The following CAPN9 variants were observed in gnomAD, a reference collection of about 807,000 sequenced individuals.
The protein encoded by CAPN9 is calpain 9, also known as calpain-9.
Under a neutral mutation model 92.8 loss-of-function variants are expected in CAPN9, and 81 were observed. The observed-to-expected ratio is 0.87, with a 90% confidence interval of 0.73 to 1.05. The LOEUF is 1.05. Among genes scored for constraint, CAPN9 ranks in the 50% least tolerant of loss-of-function variants. The pLI is 0.00. For synonymous variants in CAPN9, 304 were observed against 328.0 expected (o/e 0.93, Z 0.79); for missense variants, 848 against 866.2 (o/e 0.98, Z 0.26).
chr1:230,765,386 C>T (rs1232798902), intron 4 of CAPN9, among the ~76,000 whole-genome samples: 1 of 152,144 alleles, frequency 6.6e-6, no homozygotes, highest in Non-Finnish European at 1.5e-5. Flanking sequence ...AAGCTGGGTG[C>T]AGTGACTCAC....
rs1279510071 is a variant in CAPN9, at chr1:230,800,223, GAAAGAAAGA to G, written c.2047-1345_2047-1337del. Among the ~76,000 whole-genome samples, 62 of 37,352 alleles carry G rather than the reference GAAAGAAAGA, an allele frequency of 1.7e-3. 2 individuals are homozygous for G. Among genetic ancestry groups the G allele is most frequent in the Non-Finnish European group, 3.1e-3 (54 of 17,308 alleles). The allele number at this position is 37,352 out of a possible 152,430, so 24.5% of individuals were successfully genotyped here. A position where few individuals can be genotyped will look rare whatever the true frequency, so the allele number is the denominator to read the frequency against. On this transcript the variant is annotated intron_variant, in intron 19 of 19. Coordinates refer to ENST00000271971, the MANE Select transcript of CAPN9 (RefSeq NM_006615.3). ...AAAGAAAGAAAAGAAAGAAAAATAAGAAAGAAAGAAGAAAGAAAGAAAGAAAGAAAGAAA... is the reference window on the plus strand; with the variant it reads ...AAAGAAAGAAAAGAAAGAAAAATAAGAGAAAGAAAGAAAGAAAGAAAGAAA...
chr1:230,752,764 C>T, intron 1 of CAPN9: 2 of 937,452 alleles, frequency 2.1e-6, no homozygotes, highest in Non-Finnish European at 2.5e-6. Context: ...AGGGCTATCC[C>T]CTGGCAGGGG....
intron 3 of CAPN9, among the ~76,000 whole-genome samples, chr1:230,762,003 T>C (rs560343739): frequency 1.1e-4 from 16 of 152,320 alleles, no homozygotes; most frequent in African/African-American, 3.8e-4. Flanking sequence ...AATGTATAAA[T>C]AAACCACAAA....
chr1:230,774,724 T>TTTCTTTCC, intron 8 of CAPN9, 93 bp downstream of exon 8: 1 of 699,054 alleles, frequency 1.4e-6, no homozygotes. Context: ...CGCTTTCCTT[T>TTTCTTTCC]TTCTTTCTTT....
chr1:230,782,565 C>T (rs1020971607), intron 11 of CAPN9, among the ~76,000 whole-genome samples: 1 of 152,158 alleles, frequency 6.6e-6, no homozygotes, highest in African/African-American at 2.4e-5. Flanking sequence ...TATTACAAGT[C>T]CCCCTAAATA....
chr1:230,801,575 C>G lies in CAPN9; in HGVS notation c.2052C>G (p.Ile684Met). 1 of 1,613,922 alleles carries G rather than the reference C, an allele frequency of 6.2e-7. No homozygotes were observed. Residue 684 changes from isoleucine to methionine, a missense_variant, in exon 20 of 20, where the codon ATC becomes ATG. Transcript: ENST00000271971. Reference protein sequence around the residue: ...EFIHLNINEFIHLTMNI With the variant: ...EFIHLNINEFMHLTMNI ...CTCTCTCTCTCTCTTCCCAGTTCAT[C>G]CATTTGACAATGAACATCTGAGGCT...
At chr1:230,761,968 A>G (rs909782985) in intron 3 of CAPN9, among the ~76,000 whole-genome samples, 1 of 152,248 alleles carries the variant, frequency 6.6e-6, no homozygotes, top group African/African-American at 2.4e-5. Flanking sequence ...CACACATGTG[A>G]GCAAACACAT....
chr1:230,763,089 C>T lies in CAPN9; in HGVS notation c.536+303C>T, dbSNP rs192681915. ...GGGAATTCTGGCTGTGCCGACAGCA[C>T]TTAGTGCTTCACACTTCCCTCGGAC... is the stretch of plus-strand genomic sequence containing the variant. On this transcript the variant is annotated intron_variant, in intron 4 of 19. Coordinates refer to ENST00000271971, the MANE Select transcript of CAPN9 (RefSeq NM_006615.3). Among the ~76,000 whole-genome samples, 781 of 152,304 alleles carry T rather than the reference C, an allele frequency of 5.1e-3. 7 individuals are homozygous for T. The highest frequency in any genetic ancestry group is 0.018 in the African/African-American group (748 of 41,560).
At chr1:230,783,425 G>A (rs1667364438) in intron 11 of CAPN9, among the ~76,000 whole-genome samples, 1 of 152,192 alleles carries the variant, frequency 6.6e-6, no homozygotes. Context: ...GGTCATGGGT[G>A]TGGATCCCTC....
chr1:230,763,453 G>C (rs1257123294), intron 4 of CAPN9, among the ~76,000 whole-genome samples: 1 of 152,042 alleles, frequency 6.6e-6, no homozygotes, highest in Non-Finnish European at 1.5e-5. Flanking sequence ...CTGTTTTTAT[G>C]ATTTATCTAG....
At chr1:230,761,195 G>T (rs945608042) in intron 3 of CAPN9, among the ~76,000 whole-genome samples, 8 of 151,994 alleles carry the variant, frequency 5.3e-5, no homozygotes, top group East Asian at 1.9e-4. Context: ...TACTCCGCCC[G>T]CTCCCCTCCT....
At chr1:230,799,449 A>G (rs1056258968) in intron 19 of CAPN9, among the ~76,000 whole-genome samples, 1 of 152,206 alleles carries the variant, frequency 6.6e-6, no homozygotes, top group Non-Finnish European at 1.5e-5. Context: ...AGATCCCTGG[A>G]CGCATTATTA....
intron 1 of CAPN9, among the ~76,000 whole-genome samples, chr1:230,754,221 C>T (rs549407391): frequency 3.7e-4 from 56 of 152,094 alleles, no homozygotes; most frequent in South Asian, 2.7e-3. Context: ...TCTTTGTTGT[C>T]GTCCAATGTC....
Position 230,801,497 on chromosome 1 carries a change from G to A in CAPN9, c.2047-73G>A, listed in dbSNP as rs1346674205. 6.2e-6 allele frequency: 9 copies of A among 1,456,802 alleles called. No homozygotes were observed. In the Admixed American group the frequency reaches 1.3e-4, roughly 22 times the overall value. The allele number at this position is 1,456,802 out of a possible 1,614,324, so 90.2% of individuals were successfully genotyped here. On this transcript the variant is annotated intron_variant, in intron 19 of 19. Transcript: ENST00000271971. ...TCTCCTGTGATATCAGCAAACTGGG[G>A]CCACTCCTGAGGCTGAGGCTGGAAG...
intron 12 of CAPN9, 170 bp downstream of exon 12, chr1:230,786,187 C>T (rs762516249): frequency 9.0e-5 from 89 of 984,968 alleles, no homozygotes; most frequent in Non-Finnish European, 1.0e-4. Context: ...GTGTTCTAGT[C>T]TGTGCTCTTC....
chr1:230,757,068 A>G (rs7552686), intron 2 of CAPN9, among the ~76,000 whole-genome samples: 8,016 of 35,152 alleles, frequency 0.23, 660 homozygotes, highest in African/African-American at 0.34. Context: ...AAGGAAGGAA[A>G]GGAGAAAATA....
intron 11 of CAPN9, among the ~76,000 whole-genome samples, chr1:230,781,626 G>A (rs1667231186): frequency 6.6e-6 from 1 of 152,208 alleles, no homozygotes; most frequent in African/African-American, 2.4e-5. Flanking sequence ...GTTCAAGACA[G>A]AGGAATCCAT....
At chr1:230,755,454 G>A in intron 2 of CAPN9, 48 bp downstream of exon 2, 3 of 1,461,918 alleles carry the variant, frequency 2.1e-6, no homozygotes, top group African/African-American at 1.4e-5. Context: ...TGAGTCACTG[G>A]GACAGGCAAG....
chr1:230,785,156 T>A (rs1057014948), intron 11 of CAPN9, among the ~76,000 whole-genome samples: 1 of 152,266 alleles, frequency 6.6e-6, no homozygotes, highest in African/African-American at 2.4e-5. Context: ...ATTTTGGAAG[T>A]ATAAAATGGA....
Sources: gnomAD v4.1 joint callset for allele counts (sites outside exome capture counted in the v4.1 genomes callset) on GRCh38, gnomAD v4.1.1 for gene constraint, MANE v1.5 for transcripts, NCBI Gene and HGNC (gene_info 2026-07-23, HGNC 2026-07-21) for gene names.